Variants in KCNK3 observed in about 807,000 individuals in gnomAD.
KCNK3 encodes the protein potassium two pore domain channel subfamily K member 3, also known as potassium channel subfamily K member 3.
In KCNK3, 9 loss-of-function variants were observed where a neutral mutation model predicts 27.3. The observed-to-expected ratio is 0.33, with a 90% confidence interval of 0.20 to 0.57. The LOEUF (loss-of-function observed/expected upper bound fraction) is 0.57. Ranked by LOEUF, KCNK3 falls within the 20% of genes least tolerant of loss-of-function variation. KCNK3 has a pLI of 0.87. For missense variants in KCNK3, 391 were observed against 577.7 expected (o/e 0.68, Z 3.31); for synonymous variants, 278 against 273.8 (o/e 1.02, Z -0.15).
intron 1 of KCNK3, among the ~76,000 whole-genome samples, chr2:26,699,537 C>T (rs1211793957): frequency 6.6e-6 from 1 of 152,228 alleles, no homozygotes; most frequent in Non-Finnish European, 1.5e-5. Flanking sequence ...TTTCAGCTGG[C>T]TGCACAAACG....
Position 26,731,440 on chromosome 2 carries a change from CAT to C in KCNK3, c.*2873_*2874del, listed in dbSNP as rs1663539378. Reference sequence around the variant, plus strand: ...CAAAAATTAGCTGAGCGTGGTGGCGCATGTCTGTAGTCCCAGCTACTCGGCTA... The same window carrying C: ...CAAAAATTAGCTGAGCGTGGTGGCGCGTCTGTAGTCCCAGCTACTCGGCTA... On this transcript the variant is annotated 3_prime_UTR_variant, in exon 2 of 2. Transcript: ENST00000302909. 6.6e-6 allele frequency: 1 copy of C among 152,256 alleles called. No homozygotes were observed. The highest frequency in any genetic ancestry group is 2.1e-4 in the South Asian group (1 of 4,816). The allele number at this position is 152,256 out of a possible 1,614,324, so 9.4% of individuals were successfully genotyped here.
In KCNK3 at chr2:26,732,963, G is replaced by A. The variant is rs1203603818; in HGVS notation, c.*4395G>A. The stretch of plus-strand genomic sequence containing the variant: ...TGATCAGCATTGTGACAGCTGGGCA[G>A]AGCAGTGGTGAACTGCACCCATGTC... On this transcript the variant is annotated 3_prime_UTR_variant, in exon 2 of 2. Coordinates refer to ENST00000302909, the MANE Select transcript of KCNK3 (RefSeq NM_002246.3). The A allele has an allele frequency of 6.6e-6, 1 of 152,226 alleles. No individual in the cohort carries two copies. Among genetic ancestry groups the A allele is most frequent in the East Asian group, 1.9e-4 (1 of 5,198 alleles). The allele number at this position is 152,226 out of a possible 1,614,324, so 9.4% of individuals were successfully genotyped here.
chr2:26,703,502 A>G (rs1408484997), intron 1 of KCNK3, among the ~76,000 whole-genome samples: 1 of 152,186 alleles, frequency 6.6e-6, no homozygotes, highest in African/African-American at 2.4e-5. Flanking sequence ...GGCAGCCTGG[A>G]GAGTTTGAGC....
chr2:26,727,660 C>T lies in KCNK3; in HGVS notation c.284-7C>T. 2.6e-6 allele frequency: 4 copies of T among 1,511,476 alleles called. No homozygotes were observed. Among genetic ancestry groups the T allele is most frequent in the Middle Eastern group, 1.9e-4 (1 of 5,300 alleles). 93.6% of individuals were successfully genotyped at this position (1,511,476 alleles called of 1,614,324 possible). ...TGCTTTTTCTCCTCTTTCCCACTTT[C>T]CCCCAGGCTACGGGCACGCGGCACC... On this transcript the variant is annotated splice_polypyrimidine_tract_variant and splice_region_variant and intron_variant, in intron 1 of 1. Coordinates refer to ENST00000302909, the MANE Select transcript of KCNK3 (RefSeq NM_002246.3).
chr2:26,703,820 A>G (rs1031368501), intron 1 of KCNK3, among the ~76,000 whole-genome samples: 2 of 152,162 alleles, frequency 1.3e-5, no homozygotes, highest in African/African-American at 2.4e-5. Flanking sequence ...GGTTTGAACA[A>G]TGCGTGAGGA....
rs1450348831 is a variant in KCNK3, at chr2:26,692,751, T to G, written c.-125T>G. 3 of 405,242 alleles carry G rather than the reference T, an allele frequency of 7.4e-6. No homozygotes were observed. In the East Asian group the frequency reaches 4.9e-4, roughly 66 times the overall value. The allele number at this position is 405,242 out of a possible 1,614,324, so 25.1% of individuals were successfully genotyped here. ...GCGGCGGCCCCGGGCGCTGAGCGGGTGCCCGGCGCGGAGAGCGGCGAGCGC... is the reference window on the plus strand; with the variant it reads ...GCGGCGGCCCCGGGCGCTGAGCGGGGGCCCGGCGCGGAGAGCGGCGAGCGC... On this transcript the variant is annotated 5_prime_UTR_variant, in exon 1 of 2. Transcript: ENST00000302909. This position sits in a 1 kb window ranked among gnomAD's most constrained non-coding sequence, Gnocchi z 5.6.
At chr2:26,695,210 C>G (rs1230712088) in intron 1 of KCNK3, among the ~76,000 whole-genome samples, 2 of 152,124 alleles carry the variant, frequency 1.3e-5, no homozygotes, top group Non-Finnish European at 2.9e-5. Context: ...TTTCTCTGCC[C>G]TTTTTCTTTT....
intron 1 of KCNK3, among the ~76,000 whole-genome samples, chr2:26,713,754 G>A (rs1307133776): frequency 6.7e-6 from 1 of 150,056 alleles, no homozygotes; most frequent in Non-Finnish European, 1.5e-5. Context: ...CACCAGCCTG[G>A]GCGAAAAAGC....
At chr2:26,704,869 G>A (rs114753316) in intron 1 of KCNK3, among the ~76,000 whole-genome samples, 49 of 152,406 alleles carry the variant, frequency 3.2e-4, no homozygotes, top group African/African-American at 1.1e-3. Flanking sequence ...CATGAACTAA[G>A]GTTGGCATTC....
chr2:26,702,040 A>C (rs1670314408), intron 1 of KCNK3, among the ~76,000 whole-genome samples: 1 of 152,184 alleles, frequency 6.6e-6, no homozygotes, highest in Admixed American at 6.6e-5. Flanking sequence ...GTTTTTGTAC[A>C]GATTATTTCA....
At chr2:26,716,883 C>A (rs1663239965) in intron 1 of KCNK3, among the ~76,000 whole-genome samples, 1 of 152,194 alleles carries the variant, frequency 6.6e-6, no homozygotes, top group Non-Finnish European at 1.5e-5. Context: ...AACAAACACC[C>A]TGCAGTAGGC....
intron 1 of KCNK3, among the ~76,000 whole-genome samples, chr2:26,702,123 C>G (rs943628442): frequency 6.6e-6 from 1 of 152,172 alleles, no homozygotes; most frequent in Admixed American, 6.5e-5. Flanking sequence ...CCTCCACCCT[C>G]GAGTAGGCCC....
rs559530745 is a variant in KCNK3 at position 26,696,868 on chromosome 2, A to T, written c.283+3710A>T. On this transcript the variant is annotated intron_variant, in intron 1 of 1. Transcript: ENST00000302909. ...AGAGGGTAGCAAAAACCTAACCCCC[A>T]GTCCCCTACTCCTTCTACTTGTTCA... Among the ~76,000 whole-genome samples the T allele has an allele frequency of 3.5e-4, 54 of 152,238 alleles. No homozygotes were observed. In the East Asian group the frequency reaches 0.01, roughly 28 times the overall value.
chr2:26,699,149 G>A (rs571096131), intron 1 of KCNK3, among the ~76,000 whole-genome samples: 14 of 145,824 alleles, frequency 9.6e-5, no homozygotes, highest in Admixed American at 2.1e-4. Context: ...CTGCACCCCA[G>A]CCTGGGCAAC....
chr2:26,704,483 C>T (rs1670346574), intron 1 of KCNK3, among the ~76,000 whole-genome samples: 1 of 152,244 alleles, frequency 6.6e-6, no homozygotes. Flanking sequence ...GCACAGGCCT[C>T]TCCTAACCAC....
intron 1 of KCNK3, among the ~76,000 whole-genome samples, chr2:26,706,297 C>A (rs75609847): frequency 9.9e-5 from 15 of 152,258 alleles, no homozygotes; most frequent in East Asian, 3.9e-4. Context: ...TCCCCTCCCC[C>A]CCAGAGGAGG....
chr2:26,725,733 G>A (rs1392758036), intron 1 of KCNK3, among the ~76,000 whole-genome samples: 17 of 152,184 alleles, frequency 1.1e-4, no homozygotes, highest in Non-Finnish European at 2.1e-4. Context: ...CTGGCCCGAC[G>A]CTGTGGAGGG....
intron 1 of KCNK3, among the ~76,000 whole-genome samples, chr2:26,703,915 C>G (rs1426519621): frequency 6.6e-6 from 1 of 152,164 alleles, no homozygotes; most frequent in African/African-American, 2.4e-5. Flanking sequence ...AGGAAATGTA[C>G]TCGTGAGCAG....
intron 1 of KCNK3, among the ~76,000 whole-genome samples, chr2:26,703,539 T>A (rs1316649556): frequency 1.3e-5 from 2 of 152,208 alleles, no homozygotes; most frequent in Non-Finnish European, 2.9e-5. Flanking sequence ...AGGAGTGTCC[T>A]TGGGGCCCTG....
Sources: gnomAD v4.1 joint callset for allele counts (sites outside exome capture counted in the v4.1 genomes callset) on GRCh38, gnomAD v4.1.1 for gene constraint, Gnocchi (gnomAD v3.1) non-coding constraint, MANE v1.5 for transcripts, NCBI Gene and HGNC (gene_info 2026-07-23, HGNC 2026-07-21) for gene names.